MMP24: variants seen among roughly 807,000 people sequenced by gnomAD.
MMP24 encodes the protein matrix metalloproteinase-24.
A neutral mutation model predicts 62.8 loss-of-function variants in MMP24; 25 were observed. The ratio of observed to expected loss-of-function variants is 0.40; its 90% confidence interval spans 0.29 to 0.56. The LOEUF is 0.56. MMP24 is among the 20% of genes least tolerant of loss of function. MMP24 has a pLI of 0.50. For synonymous variants in MMP24, 319 were observed against 350.5 expected, an observed-to-expected ratio of 0.91 and a Z score of 1.00; for missense variants, 634 against 853.6, an observed-to-expected ratio of 0.74 and a Z score of 3.21.
At chr20:35,270,271 G>A (rs1380678071) in intron 7 of MMP24, among the ~76,000 whole-genome samples, 1 of 152,236 alleles carries the variant, frequency 6.6e-6, no homozygotes, top group Non-Finnish European at 1.5e-5. Flanking sequence ...ACCCAGCACT[G>A]TGCTAGGTTG....
chr20:35,259,316 T>TATTTCCCTTGGTAAAATAC (rs2060591169), intron 4 of MMP24, among the ~76,000 whole-genome samples: 1 of 152,220 alleles, frequency 6.6e-6, no homozygotes, highest in East Asian at 1.9e-4. Context: ...GTGGTCCGAG[T>TATTTCCCTTGGTAAAATAC]ATTTCCCTTG....
At chr20:35,262,352 A>G (rs565938626) in intron 4 of MMP24, among the ~76,000 whole-genome samples, 1 of 152,164 alleles carries the variant, frequency 6.6e-6, no homozygotes, top group African/African-American at 2.4e-5. Flanking sequence ...TCACAAGACA[A>G]TTGTGGGGAG....
chr20:35,270,661 C>A (rs1406098161), intron 7 of MMP24, among the ~76,000 whole-genome samples: 1 of 152,192 alleles, frequency 6.6e-6, no homozygotes, highest in Non-Finnish European at 1.5e-5. Context: ...CTGGAGCGCG[C>A]CACTCATGAG....
chr20:35,236,973 C>CA (rs10710875), intron 1 of MMP24, among the ~76,000 whole-genome samples: 2,149 of 76,060 alleles, frequency 0.028, 44 homozygotes, highest in Non-Finnish European at 0.039. Context: ...GACACCATCT[C>CA]AAAAAAAAAA....
At chr20:35,268,847 G>A (rs188556458) in intron 6 of MMP24, among the ~76,000 whole-genome samples, 148 of 152,190 alleles carry the variant, frequency 9.7e-4, no homozygotes, top group African/African-American at 3.4e-3. Context: ...CTAACATGGT[G>A]AAACCCCATC....
intron 3 of MMP24, among the ~76,000 whole-genome samples, chr20:35,253,270 C>CTTTTTTTTTTTTTCT (rs2060557315): frequency 1.3e-5 from 1 of 79,078 alleles, no homozygotes; most frequent in Non-Finnish European, 2.3e-5. Context: ...CAGAACGGGA[C>CTTTTTTTTTTTTTCT]TTTTTTTTTT....
intron 1 of MMP24, among the ~76,000 whole-genome samples, chr20:35,244,533 T>G (rs926076193): frequency 1.3e-5 from 2 of 152,104 alleles, no homozygotes; most frequent in African/African-American, 2.4e-5. Flanking sequence ...CTCCGCCTCC[T>G]GGGTTCAAGT....
At chr20:35,231,877 C>T (rs1284168893) in intron 1 of MMP24, among the ~76,000 whole-genome samples, 1 of 152,104 alleles carries the variant, frequency 6.6e-6, no homozygotes, top group Non-Finnish European at 1.5e-5. Flanking sequence ...CATGGTGAAA[C>T]CCCATCTCTA....
intron 7 of MMP24, among the ~76,000 whole-genome samples, chr20:35,270,738 T>A (rs1362563958): frequency 6.6e-6 from 1 of 152,120 alleles, no homozygotes; most frequent in Non-Finnish European, 1.5e-5. Flanking sequence ...TCAGAGGGCC[T>A]CAGAAGTGGC....
intron 2 of MMP24, 132 bp downstream of exon 2, chr20:35,247,120 A>G: frequency 9.0e-7 from 1 of 1,107,352 alleles, no homozygotes; most frequent in Non-Finnish European, 1.3e-6. Context: ...CCATCCTGGG[A>G]AAGAATATCT....
intron 1 of MMP24, among the ~76,000 whole-genome samples, chr20:35,242,956 T>C (rs139667730): frequency 1.3e-5 from 2 of 152,192 alleles, no homozygotes; most frequent in Non-Finnish European, 2.9e-5. Flanking sequence ...GGCAGGTGTA[T>C]CACTTGAGGT....
In MMP24 at chr20:35,269,677, G is replaced by C; in HGVS notation, c.1195-83G>C. ...GTCTCGGTGGAGGGCTGGGCTGTTG[G>C]GACCTAAGCCCCACAGCTGCAATCA... On this transcript the variant is annotated intron_variant, in intron 6 of 8. Coordinates refer to ENST00000246186, the MANE Select transcript of MMP24 (RefSeq NM_006690.4). This position sits in a 1 kb window ranked among gnomAD's most constrained non-coding sequence, Gnocchi z 4.6. The C allele has an allele frequency of 6.7e-7, 1 of 1,485,656 alleles. No individual in the cohort carries two copies. The highest frequency in any genetic ancestry group is 1.4e-5 in the African/African-American group (1 of 71,018). The allele number at this position is 1,485,656 out of a possible 1,614,324, so 92.0% of individuals were successfully genotyped here. A position where few individuals can be genotyped will look rare whatever the true frequency, so the allele number is the denominator to read the frequency against.
At position 35,271,149 on chromosome 20, in the gene MMP24, C is replaced by A. The variant is rs1303491093; in HGVS notation, c.1334-420C>A. 1.3e-5 allele frequency among the ~76,000 whole-genome samples: 2 copies of A among 152,116 alleles called. No individual in the cohort carries two copies. Among genetic ancestry groups the A allele is most frequent in the African/African-American group, 2.4e-5 (1 of 41,418 alleles). On this transcript the variant is annotated intron_variant, in intron 7 of 8. Transcript: ENST00000246186. This position sits in a 1 kb window ranked among gnomAD's most constrained non-coding sequence, Gnocchi z 4.0. The stretch of plus-strand genomic sequence containing the variant: ...GAGGCAGAAGGTGATGAGGAGGGAG[C>A]CCCTCTGTGGTGCAGATGAGGAGCT...
rs2060463712 is a variant in MMP24, at chr20:35,236,463, T to C, written c.246+9479T>C. 2.0e-5 allele frequency among the ~76,000 whole-genome samples: 3 copies of C among 152,282 alleles called. No individual in the cohort carries two copies. The South Asian group carries it at 6.2e-4, about 32-fold the overall frequency. On this transcript the variant is annotated intron_variant, in intron 1 of 8. Coordinates refer to ENST00000246186, the MANE Select transcript of MMP24 (RefSeq NM_006690.4). ...GAATGATTATGCCTTCAGTATGAAA[T>C]TTTACGAATTAGTTATATAACTCAG...
intron 1 of MMP24, among the ~76,000 whole-genome samples, chr20:35,239,296 C>A (rs1014150706): frequency 2.7e-5 from 4 of 150,808 alleles, no homozygotes; most frequent in African/African-American, 9.8e-5. Flanking sequence ...CTCGGCCTCT[C>A]AAAGTGCTGA....
intron 1 of MMP24, among the ~76,000 whole-genome samples, chr20:35,229,265 C>T (rs1448202057): frequency 6.6e-6 from 1 of 152,130 alleles, no homozygotes; most frequent in Non-Finnish European, 1.5e-5. Context: ...TCTGAAAGGG[C>T]TTAATATGAT....
rs763216942 is a variant in MMP24 at position 35,254,481 on chromosome 20, C to T, written c.544C>T (p.Leu182=). ...CAACTATACCCCAAAAGTGGGTGAG[C>T]TAGACACGCGGAAAGCTATTCGCCA... ...IHNYTPKVGE[L]DTRKAIRQAF... The change falls in exon 4 of 9, where the codon CTA becomes TTA. Residue 182 remains leucine, a synonymous_variant. Coordinates refer to ENST00000246186, the MANE Select transcript of MMP24 (RefSeq NM_006690.4). 2.5e-6 allele frequency: 4 copies of T among 1,614,000 alleles called. No homozygotes were observed. The highest frequency in any genetic ancestry group is 3.4e-6 in the Non-Finnish European group (4 of 1,179,870).
At position 35,274,678 on chromosome 20, in the gene MMP24, C is replaced by T. The variant is rs2060693886; in HGVS notation, c.*69C>T. On this transcript the variant is annotated 3_prime_UTR_variant, in exon 9 of 9. Transcript: ENST00000246186. This position sits in a 1 kb window ranked among gnomAD's most constrained non-coding sequence, Gnocchi z 5.1. ...CCCTTCCTCACCAGGGTCTGAGGGG[C>T]AGCTCTGGCCAGTGCTCACCAGGGC... The T allele has an allele frequency of 1.5e-6, 2 of 1,340,098 alleles. No homozygotes were observed. The highest frequency in any genetic ancestry group is 2.3e-5 in the Admixed American group (1 of 42,808). The allele number at this position is 1,340,098 out of a possible 1,614,324, so 83.0% of individuals were successfully genotyped here.
At position 35,276,387 on chromosome 20, in the gene MMP24, C is replaced by T. The variant is rs926400962; in HGVS notation, c.*1778C>T. The T allele has an allele frequency of 2.0e-5, 8 of 398,462 alleles. No homozygotes were observed. Among genetic ancestry groups the T allele is most frequent in the Non-Finnish European group, 1.8e-5 (4 of 226,040 alleles). 24.7% of individuals were successfully genotyped at this position (398,462 alleles called of 1,614,324 possible). A position where few individuals can be genotyped will look rare whatever the true frequency, so the allele number is the denominator to read the frequency against. On this transcript the variant is annotated 3_prime_UTR_variant, in exon 9 of 9. Transcript: ENST00000246186. ...TGCAAAGCACTTTATTAGCTCACAC[C>T]TGTCCACTCACATGAAACTCGTGTT...
Sources: allele counts gnomAD v4.1 joint callset (sites outside exome capture counted in the v4.1 genomes callset), GRCh38; gene constraint gnomAD v4.1.1; non-coding constraint Gnocchi (gnomAD v3.1); transcripts MANE v1.5; gene names NCBI Gene and HGNC (gene_info 2026-07-23, HGNC 2026-07-21).